Variants in NLRP8 observed in about 807,000 individuals in gnomAD.
The protein encoded by NLRP8 is NLR family pyrin domain containing 8.
NLRP8 carries 86 observed loss-of-function variants against 88.7 expected under a neutral mutation model. That is an observed-to-expected ratio of 0.97 (90% CI 0.81 to 1.16). NLRP8 has a LOEUF of 1.16. Ranked by LOEUF, NLRP8 falls within the 50% of genes most tolerant of loss-of-function variation. The pLI is 0.00. For missense variants in NLRP8, 1,342 were observed against 1,286.5 expected (o/e 1.04, Z -0.66); for synonymous variants, 504 against 494.6 (o/e 1.02, Z -0.25).
intron 5 of NLRP8, among the ~76,000 whole-genome samples, chr19:55,967,600 A>G (rs1158924095): frequency 6.6e-6 from 1 of 151,100 alleles, no homozygotes; most frequent in African/African-American, 2.4e-5. Flanking sequence ...TTGTCTGTTG[A>G]TGGACACTTA....
chr19:55,960,897 CTTTTTTTTTTT>C (rs36087472), intron 3 of NLRP8, among the ~76,000 whole-genome samples: 1 of 91,006 alleles, frequency 1.1e-5, no homozygotes, highest in South Asian at 4.3e-4. Flanking sequence ...AACTATTTCT[CTTTTTTTTTTT>C]TTTTTTTTTT....
chr19:55,963,657 C>G (rs2036675764), intron 4 of NLRP8, among the ~76,000 whole-genome samples: 1 of 152,042 alleles, frequency 6.6e-6, no homozygotes, highest in Non-Finnish European at 1.5e-5. Context: ...TCAAGCAATC[C>G]TCCCACCTCA....
chr19:55,949,307 A>C (rs1978988873), intron 1 of NLRP8, among the ~76,000 whole-genome samples: 1 of 151,952 alleles, frequency 6.6e-6, no homozygotes, highest in Admixed American at 6.6e-5. Flanking sequence ...GTGTGATCTC[A>C]GCTCACTGCA....
intron 2 of NLRP8, among the ~76,000 whole-genome samples, chr19:55,952,928 A>T (rs1979161694): frequency 6.6e-6 from 1 of 152,108 alleles, no homozygotes; most frequent in Non-Finnish European, 1.5e-5. Flanking sequence ...ATCTCAAAAA[A>T]AATAATAAAA....
chr19:55,966,128 C>A, intron 4 of NLRP8, 85 bp from the exon 5 acceptor site: 1 of 1,328,106 alleles, frequency 7.5e-7, no homozygotes, highest in Non-Finnish European at 1.1e-6. Context: ...CCACGTGCAG[C>A]TTCCGGGAGC....
At chr19:55,981,626 G>A (rs546588736) in intron 9 of NLRP8, among the ~76,000 whole-genome samples, 2 of 152,280 alleles carry the variant, frequency 1.3e-5, no homozygotes, top group African/African-American at 2.4e-5. Flanking sequence ...TGTTCTTAAC[G>A]TGTCTGGGGA....
intron 9 of NLRP8, among the ~76,000 whole-genome samples, chr19:55,980,295 A>C (rs1321779965): frequency 6.6e-6 from 1 of 152,194 alleles, no homozygotes; most frequent in Non-Finnish European, 1.5e-5. Flanking sequence ...GGCACTTAAC[A>C]CAGTGCCTAA....
At chr19:55,958,119 A>AT (rs1461706650) in intron 3 of NLRP8, among the ~76,000 whole-genome samples, 2 of 152,152 alleles carry the variant, frequency 1.3e-5, no homozygotes, top group African/African-American at 4.8e-5. Context: ...CCCCGTGGCT[A>AT]TGACGAGAAG....
rs185363622 is a variant in NLRP8 at position 55,986,799 on chromosome 19, C to T, written c.3048-1015C>T. Among the ~76,000 whole-genome samples the T allele has an allele frequency of 5.9e-5, 9 of 152,154 alleles. No homozygotes were observed. The South Asian group carries it at 8.3e-4, about 14-fold the overall frequency. ...CAGCTGGCCCAGAGCTGGACCTGCTCTTGGTGGTGAGGTGTGAAGCTGGTG... is the reference window on the plus strand; with the variant it reads ...CAGCTGGCCCAGAGCTGGACCTGCTTTTGGTGGTGAGGTGTGAAGCTGGTG... On this transcript the variant is annotated intron_variant, in intron 9 of 9. Transcript: ENST00000291971.
rs61734783 is a variant in NLRP8 at position 55,955,603 on chromosome 19, G to A, written c.1545G>A (p.Ala515=). The A allele has an allele frequency of 8.3e-3, 13,334 of 1,614,048 alleles. 631 individuals are homozygous for A. The African/African-American group carries it at 0.12, about 15-fold the overall frequency. ...TCGTGACTTTTCAGGAATTTTTTGCGGCCTTGTTTTATGTTCTCTGTTTCC... is the reference window on the plus strand; with the variant it reads ...TCGTGACTTTTCAGGAATTTTTTGCAGCCTTGTTTTATGTTCTCTGTTTCC... The change falls in exon 3 of 10, where the codon GCG becomes GCA. Residue 515 remains alanine (A), a synonymous_variant. Transcript: ENST00000291971.
rs1568464033 is a variant in NLRP8 at position 55,966,216 on chromosome 19, A to G, written c.2217A>G (p.Leu739=). 1 of 1,613,866 alleles carries G rather than the reference A, an allele frequency of 6.2e-7. No individual in the cohort carries two copies. Among genetic ancestry groups the G allele is most frequent in the Admixed American group, 1.7e-5 (1 of 60,006 alleles). ...GGAGACGCTCTTCCCTCTCCAGCCTAAGGCGTGTGAATAGCACCATGTTGA... is the reference window on the plus strand; with the variant it reads ...GGAGACGCTCTTCCCTCTCCAGCCTGAGGCGTGTGAATAGCACCATGTTGA... Residue 739 remains leucine (L), a synonymous_variant, in exon 5 of 10, where the codon CTA becomes CTG. Transcript: ENST00000291971.
chr19:55,954,650 C>T lies in NLRP8; in HGVS notation c.592C>T (p.Pro198Ser), dbSNP rs761564412. Residue 198 changes from proline (P) to serine (S), a missense_variant, in exon 3 of 10, where the codon CCC becomes TCC. Transcript: ENST00000291971. ...ACCATGTCTGCTTCTGCCCAAAAGA[C>T]CCCAGGGTAGACAGCCCAAGACCGT... 2 of 1,614,170 alleles carry T rather than the reference C, an allele frequency of 1.2e-6. No individual in the cohort carries two copies. The highest frequency in any genetic ancestry group is 1.7e-6 in the Non-Finnish European group (2 of 1,180,034).
intron 5 of NLRP8, among the ~76,000 whole-genome samples, chr19:55,970,022 A>C (rs530620398): frequency 6.6e-5 from 10 of 152,282 alleles, no homozygotes; most frequent in African/African-American, 2.4e-4. Context: ...ACAAAGTGTG[A>C]GTTAGACAGG....
chr19:55,961,930 T>C, intron 3 of NLRP8, 137 bp from the exon 4 acceptor site: 1 of 639,902 alleles, frequency 1.6e-6, no homozygotes, highest in Admixed American at 3.1e-5. Flanking sequence ...CTGAGTGCTT[T>C]ATTTAAATGA....
chr19:55,983,013 G>A (rs546646195), intron 9 of NLRP8, among the ~76,000 whole-genome samples: 27 of 152,160 alleles, frequency 1.8e-4, no homozygotes, highest in Admixed American at 5.9e-4. Context: ...AGTTCCCACC[G>A]GCCAAATCTG....
chr19:55,970,456 T>G, intron 5 of NLRP8, 88 bp from the exon 6 acceptor site: 1 of 1,431,332 alleles, frequency 7.0e-7, no homozygotes, highest in Non-Finnish European at 9.6e-7. Flanking sequence ...CTGTGAAGAC[T>G]GAGACATGAG....
intron 3 of NLRP8, among the ~76,000 whole-genome samples, chr19:55,956,582 T>A (rs1214897624): frequency 6.6e-6 from 1 of 152,060 alleles, no homozygotes; most frequent in East Asian, 1.9e-4. Flanking sequence ...TCTACGGTGA[T>A]ACATGTTTGT....
chr19:55,972,662 G>A (rs1057414019), intron 6 of NLRP8, among the ~76,000 whole-genome samples: 1 of 148,644 alleles, frequency 6.7e-6, no homozygotes, highest in Non-Finnish European at 1.5e-5. Context: ...TCCCACATAT[G>A]AGTGAGAACA....
At position 55,970,414 on chromosome 19, in the gene NLRP8, C is replaced by T. The variant is rs151031586; in HGVS notation, c.2382-130C>T. ...CTGAGCTTGGTGCAGGTGTGCTGGC[C>T]GGAAAGTTGGAAATAATCCCCCGAG... On this transcript the variant is annotated intron_variant, in intron 5 of 9. Transcript: ENST00000291971. 1,085 of 1,091,474 alleles carry T rather than the reference C, an allele frequency of 9.9e-4. 4 individuals are homozygous for T. Among genetic ancestry groups the T allele is most frequent in the African/African-American group, 4.9e-3 (311 of 64,056 alleles). The allele number at this position is 1,091,474 out of a possible 1,614,324, so 67.6% of individuals were successfully genotyped here. A position where few individuals can be genotyped will look rare whatever the true frequency, so the allele number is the denominator to read the frequency against.
Sources: gnomAD v4.1 joint callset for allele counts (sites outside exome capture counted in the v4.1 genomes callset) on GRCh38, gnomAD v4.1.1 for gene constraint, MANE v1.5 for transcripts, NCBI Gene and HGNC (gene_info 2026-07-23, HGNC 2026-07-21) for gene names.